The following NFASC variants were observed in gnomAD, a reference collection of about 807,000 sequenced individuals.
The protein encoded by NFASC is neurofascin homolog.
NFASC carries 43 observed loss-of-function variants against 147.5 expected under a neutral mutation model. That is an observed-to-expected ratio of 0.29 (90% CI 0.23 to 0.38). The LOEUF (loss-of-function observed/expected upper bound fraction) is 0.38. Ranked by LOEUF, NFASC falls within the 10% of genes least tolerant of loss-of-function variation. NFASC has a pLI of 1.00. For missense variants in NFASC, 1,320 were observed against 1,689.0 expected (o/e 0.78, Z 3.83); for synonymous variants, 622 against 665.5 (o/e 0.93, Z 1.01).
rs1165286002 is a variant in NFASC, at chr1:204,979,178, C to G, written c.1978+109C>G. On this transcript the variant is annotated intron_variant, in intron 18 of 29. Transcript: ENST00000339876. This position sits in a 1 kb window ranked among gnomAD's most constrained non-coding sequence, Gnocchi z 6.0. ...CACTTCTGCCTCGCTTGATGTGTGT[C>G]CTGGGCTAACCTCAGAATGTACAGA... 9.9e-7 allele frequency: 1 copy of G among 1,013,364 alleles called. No individual in the cohort carries two copies. The highest frequency in any genetic ancestry group is 1.6e-5 in the African/African-American group (1 of 62,332). 62.8% of individuals were successfully genotyped at this position (1,013,364 alleles called of 1,614,324 possible).
intron 24 of NFASC, among the ~76,000 whole-genome samples, chr1:204,996,026 C>A (rs34241790): frequency 0.16 from 24,600 of 151,966 alleles, 2,097 homozygotes; most frequent in Non-Finnish European, 0.2. Flanking sequence ...GGGGCTTTGT[C>A]TCTCTCTGCT....
rs72753462 is a variant in NFASC, at chr1:204,996,740, C to T, written c.2783-430C>T. On this transcript the variant is annotated intron_variant, in intron 24 of 29. Coordinates refer to ENST00000339876, the MANE Select transcript of NFASC (RefSeq NM_001005388.3). ...AGGCCTCTGCTGGACAGGGCCCCACCGCCTGCCCACCTCTAGGCTGGGGCT... is the reference window on the plus strand; with the variant it reads ...AGGCCTCTGCTGGACAGGGCCCCACTGCCTGCCCACCTCTAGGCTGGGGCT... 8.4e-3 allele frequency among the ~76,000 whole-genome samples: 1,278 copies of T among 152,212 alleles called. 23 individuals are homozygous for T. The highest frequency in any genetic ancestry group is 0.01 in the South Asian group (50 of 4,812).
intron 27 of NFASC, among the ~76,000 whole-genome samples, chr1:205,003,545 A>C (rs1040918187): frequency 6.6e-6 from 1 of 152,214 alleles, no homozygotes; most frequent in Non-Finnish European, 1.5e-5. Flanking sequence ...CTTTAAACTC[A>C]GCCGAGCAGG....
chr1:204,976,495 C>G (rs2095407483), intron 15 of NFASC, among the ~76,000 whole-genome samples, 176 bp from the exon 16 acceptor site: 1 of 152,214 alleles, frequency 6.6e-6, no homozygotes, highest in African/African-American at 2.4e-5. Flanking sequence ...ATGATGAGTG[C>G]TCCAGGTGAC....
chr1:204,945,916 C>T (rs977064089), intron 3 of NFASC, among the ~76,000 whole-genome samples: 7 of 152,334 alleles, frequency 4.6e-5, no homozygotes, highest in African/African-American at 1.7e-4. Flanking sequence ...CTCTCTCACT[C>T]ACCTGCTGCT....
chr1:205,008,879 C>T (rs2096193990), intron 27 of NFASC: 1 of 156,014 alleles, frequency 6.4e-6, no homozygotes, highest in African/African-American at 2.4e-5. Flanking sequence ...CCCAGCCCCA[C>T]ATCGCTGCTG....
chr1:204,968,362 T>C lies in NFASC; in HGVS notation c.818+2T>C. ...GCTGGAATGCATCGCCTCCGGGGTGTATGTGCGGTTTGCAGCCCCTCTTCT... is the reference window on the plus strand; with the variant it reads ...GCTGGAATGCATCGCCTCCGGGGTGCATGTGCGGTTTGCAGCCCCTCTTCT... On this transcript the variant is annotated splice_donor_variant, in intron 9 of 29. Coordinates refer to ENST00000339876, the MANE Select transcript of NFASC (RefSeq NM_001005388.3). LOFTEE classifies it high-confidence loss of function. This position sits in a 1 kb window ranked among gnomAD's most constrained non-coding sequence, Gnocchi z 5.4. 6.2e-7 allele frequency: 1 copy of C among 1,611,184 alleles called. No individual in the cohort carries two copies. Among genetic ancestry groups the C allele is most frequent in the Non-Finnish European group, 8.5e-7 (1 of 1,177,368 alleles).
chr1:204,990,563 C>CAAAAAAA (rs55745283), intron 23 of NFASC: 2 of 126,690 alleles, frequency 1.6e-5, no homozygotes, highest in Non-Finnish European at 1.6e-5. Context: ...GCTCTCAGTC[C>CAAAAAAA]AAAAAAAAAA....
intron 1 of NFASC, among the ~76,000 whole-genome samples, chr1:204,887,904 T>TG (rs2081627356): frequency 6.6e-6 from 1 of 152,148 alleles, no homozygotes; most frequent in South Asian, 2.1e-4. Flanking sequence ...GGCCCCTGAT[T>TG]GGCTGTTAAT....
intron 24 of NFASC, among the ~76,000 whole-genome samples, chr1:204,992,303 G>A (rs2095753787): frequency 6.6e-6 from 1 of 152,320 alleles, no homozygotes; most frequent in Admixed American, 6.5e-5. Flanking sequence ...TGAGGACCGG[G>A]CCAGGAATCT....
chr1:204,890,582 T>G (rs1288724562), intron 1 of NFASC, among the ~76,000 whole-genome samples: 1 of 152,026 alleles, frequency 6.6e-6, no homozygotes, highest in Non-Finnish European at 1.5e-5. Flanking sequence ...TTTTTTCTTT[T>G]TTTTTGAGAT....
intron 27 of NFASC, among the ~76,000 whole-genome samples, chr1:205,004,338 A>T (rs1289866293): frequency 6.6e-6 from 1 of 152,256 alleles, no homozygotes; most frequent in East Asian, 1.9e-4. Context: ...CACACGACAG[A>T]ATAATGATTG....
chr1:204,984,410 T>TATAC (rs1491151468), intron 21 of NFASC: 7 of 140,834 alleles, frequency 5.0e-5, no homozygotes, highest in Non-Finnish European at 7.5e-5. Flanking sequence ...TATATATATA[T>TATAC]ACACCCAGAT....
chr1:204,843,400 C>T (rs547162666), intron 1 of NFASC, among the ~76,000 whole-genome samples: 1 of 152,320 alleles, frequency 6.6e-6, no homozygotes. Flanking sequence ...GTAGTACACT[C>T]TCGCAACCAG....
At chr1:204,941,425 A>T (rs2093355058) in intron 2 of NFASC, among the ~76,000 whole-genome samples, 1 of 152,210 alleles carries the variant, frequency 6.6e-6, no homozygotes, top group Admixed American at 6.5e-5. Flanking sequence ...TATCTGATTT[A>T]ATGAATAGCT....
At chr1:204,997,671 G>A in intron 25 of NFASC, 1 of 566,210 alleles carries the variant, frequency 1.8e-6, no homozygotes, top group South Asian at 2.0e-5. Flanking sequence ...TCTAGCTTCA[G>A]ATCCCTGTTC....
At chr1:204,888,093 G>A (rs570073307) in intron 1 of NFASC, among the ~76,000 whole-genome samples, 1 of 152,152 alleles carries the variant, frequency 6.6e-6, no homozygotes, top group Non-Finnish European at 1.5e-5. Context: ...ATGGTCTCTA[G>A]GGTTTTCTCT....
chr1:204,984,235 C>T (rs2095561976), intron 21 of NFASC: 1 of 807,936 alleles, frequency 1.2e-6, no homozygotes, highest in Admixed American at 2.1e-5. Flanking sequence ...TTGAAAGAAA[C>T]CCTAGCGTTG....
Position 205,016,844 on chromosome 1 carries a change from C to T in NFASC, c.*305C>T, listed in dbSNP as rs1298510017. Reference sequence around the variant, plus strand: ...CCCGAGCGTTCCACCACACTGTCCGCCCTTGGCCTCGGCACACGCTCACCT... The same window carrying T: ...CCCGAGCGTTCCACCACACTGTCCGTCCTTGGCCTCGGCACACGCTCACCT... On this transcript the variant is annotated 3_prime_UTR_variant, in exon 30 of 30. Coordinates refer to ENST00000339876, the MANE Select transcript of NFASC (RefSeq NM_001005388.3). This position sits in a 1 kb window ranked among gnomAD's most constrained non-coding sequence, Gnocchi z 5.1. The T allele has an allele frequency of 6.5e-6, 3 of 464,188 alleles. No individual in the cohort carries two copies. Among genetic ancestry groups the T allele is most frequent in the Non-Finnish European group, 1.2e-5 (3 of 249,596 alleles). 28.8% of individuals were successfully genotyped at this position (464,188 alleles called of 1,614,324 possible). A position where few individuals can be genotyped will look rare whatever the true frequency, so the allele number is the denominator to read the frequency against.
Sources: allele counts gnomAD v4.1 joint callset (sites outside exome capture counted in the v4.1 genomes callset), GRCh38; gene constraint gnomAD v4.1.1; non-coding constraint Gnocchi (gnomAD v3.1); transcripts MANE v1.5; gene names NCBI Gene and HGNC (gene_info 2026-07-23, HGNC 2026-07-21).